OTUD7B: variants seen among roughly 807,000 people sequenced by gnomAD.
OTUD7B encodes the protein OTU deubiquitinase 7B, also known as OTU domain-containing protein 7B.
A neutral mutation model predicts 82.2 loss-of-function variants in OTUD7B; 34 were observed. That is an observed-to-expected ratio of 0.41 (90% CI 0.31 to 0.55). OTUD7B has a LOEUF of 0.55. OTUD7B is among the 20% of genes least tolerant of loss of function. The pLI is 0.20. For synonymous variants in OTUD7B, 398 were observed against 402.7 expected, an observed-to-expected ratio of 0.99 and a Z score of 0.14; for missense variants, 944 against 1,062.1, an observed-to-expected ratio of 0.89 and a Z score of 1.55.
Position 149,939,464 on chromosome 1 carries a change from T to C in OTUD7B, c.*4393A>G, listed in dbSNP as rs2092747899. ...ATTTGCAGACTGGCTGTCTGCAAAGTAGAAGAGACAGAATGCCTGCATGAC... is the reference window on the plus strand; with the variant it reads ...ATTTGCAGACTGGCTGTCTGCAAAGCAGAAGAGACAGAATGCCTGCATGAC... On this transcript the variant is annotated 3_prime_UTR_variant, in exon 12 of 12. Transcript: ENST00000581312. The C allele has an allele frequency of 6.6e-6, 1 of 152,110 alleles. No individual in the cohort carries two copies. The highest frequency in any genetic ancestry group is 2.4e-5 in the African/African-American group (1 of 41,420). 9.4% of individuals were successfully genotyped at this position (152,110 alleles called of 1,614,324 possible).
Position 149,942,427 on chromosome 1 carries a change from A to G in OTUD7B, c.*1430T>C, listed in dbSNP as rs587689425. The G allele has an allele frequency of 5.2e-5, 8 of 152,754 alleles. No homozygotes were observed. The highest frequency in any genetic ancestry group is 1.9e-4 in the African/African-American group (8 of 41,564). The allele number at this position is 152,754 out of a possible 1,614,324, so 9.5% of individuals were successfully genotyped here. On this transcript the variant is annotated 3_prime_UTR_variant, in exon 12 of 12. Coordinates refer to ENST00000581312, the MANE Select transcript of OTUD7B (RefSeq NM_020205.4). ...GGCTGTTCAGACTTGTGCTTTGTGC[A>G]AAATGCGAAGGAGCTCCCCCTACTG...
At chr1:149,953,722 A>G (rs1648447419) in intron 7 of OTUD7B, among the ~76,000 whole-genome samples, 1 of 152,018 alleles carries the variant, frequency 6.6e-6, no homozygotes, top group African/African-American at 2.4e-5. Flanking sequence ...CTTTTATTTC[A>G]TTGAGCAGTG....
In OTUD7B at chr1:149,943,813, G is replaced by C. The variant is rs373566777; in HGVS notation, c.*44C>G. On this transcript the variant is annotated 3_prime_UTR_variant, in exon 12 of 12. Coordinates refer to ENST00000581312, the MANE Select transcript of OTUD7B (RefSeq NM_020205.4). Reference sequence around the variant, plus strand: ...TGTTCTTGATGAGCCAATTAGTTGAGCTTAACTTTGTTTAGCCTCCTTGCC... The same window carrying C: ...TGTTCTTGATGAGCCAATTAGTTGACCTTAACTTTGTTTAGCCTCCTTGCC... The C allele has an allele frequency of 4.4e-6, 7 of 1,580,200 alleles. No homozygotes were observed. The highest frequency in any genetic ancestry group is 6.1e-6 in the Non-Finnish European group (7 of 1,154,216).
At chr1:150,037,947 C>T in the OTUD7B span, among the ~76,000 whole-genome samples, 6 of 152,128 alleles carry the variant, frequency 3.9e-5, no homozygotes, top group African/African-American at 1.2e-4. Context: ...TAGCTCACTG[C>T]AGCCTCCACC....
At chr1:150,049,696 C>A in the OTUD7B span, among the ~76,000 whole-genome samples, 1 of 136,004 alleles carries the variant, frequency 7.4e-6, no homozygotes, top group Non-Finnish European at 1.5e-5. Flanking sequence ...CTCAAGCAAT[C>A]CCCCTGCCTC....
At chr1:150,018,792 G>A in the OTUD7B span, among the ~76,000 whole-genome samples, 1 of 152,154 alleles carries the variant, frequency 6.6e-6, no homozygotes, top group Non-Finnish European at 1.5e-5. Flanking sequence ...GGAGCTGAAA[G>A]GGCTGAGTCT....
At chr1:149,957,418 C>T (rs1373264318) in intron 7 of OTUD7B, among the ~76,000 whole-genome samples, 1 of 150,588 alleles carries the variant, frequency 6.6e-6, no homozygotes, top group Non-Finnish European at 1.5e-5. Flanking sequence ...GAGGGGCACC[C>T]GGCTGTATAA....
At chr1:150,017,651 C>T in the OTUD7B span, among the ~76,000 whole-genome samples, 6 of 152,140 alleles carry the variant, frequency 3.9e-5, no homozygotes, top group African/African-American at 1.2e-4. Context: ...GTCACTCTGC[C>T]CCTGACTAGG....
At chr1:150,032,109 G>A in the OTUD7B span, among the ~76,000 whole-genome samples, 9 of 151,604 alleles carry the variant, frequency 5.9e-5, no homozygotes, top group Non-Finnish European at 1.2e-4. Context: ...TCAGGAGTTC[G>A]AGACCAGCCT....
At chr1:149,998,037 G>A (rs1314617562) in intron 1 of OTUD7B, among the ~76,000 whole-genome samples, 1 of 152,064 alleles carries the variant, frequency 6.6e-6, no homozygotes. Flanking sequence ...ACCCCACTTC[G>A]GAGAGGCATC....
At chr1:150,037,893 G>T in the OTUD7B span, among the ~76,000 whole-genome samples, 1 of 151,748 alleles carries the variant, frequency 6.6e-6, no homozygotes, top group South Asian at 2.1e-4. Flanking sequence ...TTTTCAGATG[G>T]AGTCCCATTC....
Position 149,959,745 on chromosome 1 carries a change from T to G in OTUD7B, c.784A>C (p.Ile262Leu). 1 of 1,614,106 alleles carries G rather than the reference T, an allele frequency of 6.2e-7. No homozygotes were observed. Among genetic ancestry groups the G allele is most frequent in the South Asian group, 1.1e-5 (1 of 91,070 alleles). ...CGGGGTTCACTTGAGGCAAGCTTGA[T>G]CAGTTCATTCCACTCCTTCTGCCAT... The part of the protein sequence containing the change: ...DEWQKEWNEL[I>L]KLASSEPRMH... Residue 262 changes from isoleucine (I) to leucine (L), a missense_variant, in exon 7 of 12, where the codon ATC becomes CTC. Coordinates refer to ENST00000581312, the MANE Select transcript of OTUD7B (RefSeq NM_020205.4).
intron 11 of OTUD7B, among the ~76,000 whole-genome samples, chr1:149,946,302 G>T (rs1334022914): frequency 6.6e-6 from 1 of 152,062 alleles, no homozygotes; most frequent in Non-Finnish European, 1.5e-5. Flanking sequence ...GGTGGAGGTT[G>T]CAGTGAGCTG....
At chr1:149,979,712 G>T (rs1427724990) in intron 1 of OTUD7B, among the ~76,000 whole-genome samples, 2 of 152,008 alleles carry the variant, frequency 1.3e-5, no homozygotes, top group African/African-American at 4.8e-5. Context: ...AAAATGTCAA[G>T]TCCCTTACCT....
chr1:150,043,391 G>A, the OTUD7B span, among the ~76,000 whole-genome samples: 1 of 152,202 alleles, frequency 6.6e-6, no homozygotes, highest in Non-Finnish European at 1.5e-5. Flanking sequence ...GGCAGAACAT[G>A]AGAGATGCCA....
At chr1:150,004,182 A>G (rs1354109191) in intron 1 of OTUD7B, among the ~76,000 whole-genome samples, 1 of 152,006 alleles carries the variant, frequency 6.6e-6, no homozygotes, top group Non-Finnish European at 1.5e-5. Flanking sequence ...ACACACCCCC[A>G]GTGTCAATCT....
intron 7 of OTUD7B, among the ~76,000 whole-genome samples, chr1:149,958,322 CTTTTTTTTTTTTTT>C: frequency 1.2e-5 from 1 of 86,398 alleles, no homozygotes; most frequent in South Asian, 5.0e-4. Flanking sequence ...AAAGGACTAC[CTTTTTTTTTTTTTT>C]TTTTTTTTTG....
chr1:150,009,444 T>G (rs1211100433), intron 1 of OTUD7B, among the ~76,000 whole-genome samples: 1 of 152,172 alleles, frequency 6.6e-6, no homozygotes, highest in African/African-American at 2.4e-5. Context: ...GGCCAAAGAC[T>G]GAAAAATTAG....
At position 149,943,600 on chromosome 1, in the gene OTUD7B, A is replaced by G. The variant is rs1647422953; in HGVS notation, c.*257T>C. 2.2e-6 allele frequency: 1 copy of G among 451,092 alleles called. No individual in the cohort carries two copies. The highest frequency in any genetic ancestry group is 2.0e-5 in the African/African-American group (1 of 50,062). The allele number at this position is 451,092 out of a possible 1,614,324, so 27.9% of individuals were successfully genotyped here. On this transcript the variant is annotated 3_prime_UTR_variant, in exon 12 of 12. Coordinates refer to ENST00000581312, the MANE Select transcript of OTUD7B (RefSeq NM_020205.4). ...CAGGAGGTTATAAGACAGAATCGCC[A>G]TCTTTTCCCCTTGTACCTCAAACCT...
Sources: gnomAD v4.1 joint callset for allele counts (sites outside exome capture counted in the v4.1 genomes callset) on GRCh38, gnomAD v4.1.1 for gene constraint, MANE v1.5 for transcripts, NCBI Gene and HGNC (gene_info 2026-07-23, HGNC 2026-07-21) for gene names.